The following WARS2 variants were observed in gnomAD, a reference collection of about 807,000 sequenced individuals.
The protein encoded by WARS2 is tryptophan--tRNA ligase, mitochondrial.
WARS2 carries 28 observed loss-of-function variants against 36.5 expected under a neutral mutation model. That is an observed-to-expected ratio of 0.77 (90% confidence interval 0.57 to 1.05). The LOEUF is 1.05. WARS2 is among the 50% of genes least tolerant of loss of function. The probability of loss-of-function intolerance (pLI) is 0.00; values close to 1 mark genes in which losing one functional copy is unlikely to be tolerated. For missense variants in WARS2, 435 were observed against 456.8 expected, an observed-to-expected ratio of 0.95 and a Z score of 0.44; for synonymous variants, 174 against 178.4, an observed-to-expected ratio of 0.98 and a Z score of 0.20.
At chr1:119,134,266 C>A (rs1656319866) in intron 1 of WARS2, among the ~76,000 whole-genome samples, 1 of 130,064 alleles carries the variant, frequency 7.7e-6, no homozygotes. Context: ...GTAAGAATAT[C>A]CATGAATTAA....
rs1048669295 is a variant in WARS2 at position 119,089,976 on chromosome 1, G to A, written c.91-13369C>T. ...AACACCACACACTGAGGCCTGTCAG[G>A]TTGGAGAGGGAGAGCATCAGGAAGA... is the stretch of plus-strand genomic sequence containing the variant. On this transcript the variant is annotated intron_variant, in intron 1 of 5. Coordinates refer to ENST00000235521, the MANE Select transcript of WARS2 (RefSeq NM_015836.4). 2.6e-5 allele frequency among the ~76,000 whole-genome samples: 4 copies of A among 152,216 alleles called. No individual in the cohort carries two copies. In the South Asian group the frequency reaches 8.3e-4, roughly 32 times the overall value.
At chr1:119,095,929 C>T (rs1196305745) in intron 1 of WARS2, among the ~76,000 whole-genome samples, 1 of 147,128 alleles carries the variant, frequency 6.8e-6, no homozygotes, top group African/African-American at 2.6e-5. Flanking sequence ...TTGACACAAT[C>T]GAGTACTTAG....
intron 1 of WARS2, chr1:119,085,482 C>T (rs587611919): frequency 1.2e-4 from 187 of 1,532,750 alleles, no homozygotes; most frequent in African/African-American, 8.2e-4. Context: ...TCTTTTTTTG[C>T]GCTTTTTTGT....
At chr1:119,078,927 T>C (rs965397813) in intron 1 of WARS2, among the ~76,000 whole-genome samples, 1 of 149,782 alleles carries the variant, frequency 6.7e-6, no homozygotes, top group African/African-American at 2.5e-5. Flanking sequence ...TGTGCATATA[T>C]GGATACATAC....
At chr1:119,106,981 G>C (rs1409893944) in intron 1 of WARS2, among the ~76,000 whole-genome samples, 1 of 152,104 alleles carries the variant, frequency 6.6e-6, no homozygotes, top group Non-Finnish European at 1.5e-5. Context: ...GGAGGTATTA[G>C]TGCTTTGAAT....
intron 3 of WARS2, 27 bp from the exon 4 acceptor site, chr1:119,042,376 G>T: frequency 1.2e-6 from 2 of 1,604,902 alleles, no homozygotes; most frequent in African/African-American, 1.3e-5. Flanking sequence ...GAGAGGAGGG[G>T]AAGAAATCTG....
chr1:119,079,883 AAC>A (rs1243675325), intron 1 of WARS2, among the ~76,000 whole-genome samples: 2 of 152,178 alleles, frequency 1.3e-5, no homozygotes, highest in Non-Finnish European at 2.9e-5. Context: ...CAAAATCACA[AAC>A]ACACACATAA....
At chr1:119,093,660 G>A (rs1218860902) in intron 1 of WARS2, among the ~76,000 whole-genome samples, 2 of 152,224 alleles carry the variant, frequency 1.3e-5, no homozygotes, top group East Asian at 3.9e-4. Flanking sequence ...AGAGTCTTAA[G>A]AAGCATGCCC....
chr1:119,042,798 T>C (rs1047961013), intron 3 of WARS2, among the ~76,000 whole-genome samples: 2 of 152,048 alleles, frequency 1.3e-5, no homozygotes, highest in African/African-American at 4.8e-5. Context: ...CTGAGAAAAC[T>C]GGAATGTTCC....
chr1:119,140,497 G>T, intron 1 of WARS2, 58 bp downstream of exon 1: 1 of 1,509,616 alleles, frequency 6.6e-7, no homozygotes, highest in Non-Finnish European at 9.2e-7. Flanking sequence ...GAGGGCAGTG[G>T]GATGAGAAGA....
chr1:119,123,499 T>C (rs1167233788), intron 1 of WARS2, among the ~76,000 whole-genome samples: 1 of 152,168 alleles, frequency 6.6e-6, no homozygotes, highest in Non-Finnish European at 1.5e-5. Flanking sequence ...TGAAGAAAAG[T>C]AGTTGATACT....
intron 3 of WARS2, 108 bp from the exon 4 acceptor site, chr1:119,042,457 C>T (rs1047993254): frequency 4.2e-6 from 4 of 943,190 alleles, no homozygotes; most frequent in Non-Finnish European, 3.4e-6. Flanking sequence ...TGATCTGAAG[C>T]CACCTGTAAT....
chr1:119,068,583 C>T (rs1169497219), intron 2 of WARS2, among the ~76,000 whole-genome samples: 2 of 152,170 alleles, frequency 1.3e-5, no homozygotes, highest in Non-Finnish European at 2.9e-5. Context: ...TTTCTCCTTG[C>T]CTTGGCAGAA....
At chr1:119,107,093 T>C (rs587623055) in intron 1 of WARS2, among the ~76,000 whole-genome samples, 1 of 152,290 alleles carries the variant, frequency 6.6e-6, no homozygotes, top group Non-Finnish European at 1.5e-5. Context: ...TTACTTGCCA[T>C]CTGTATATCT....
intron 3 of WARS2, among the ~76,000 whole-genome samples, 200 bp downstream of exon 3, chr1:119,045,382 C>A (rs1162283273): frequency 6.6e-6 from 1 of 152,134 alleles, no homozygotes; most frequent in Non-Finnish European, 1.5e-5. Context: ...AAACAATGAA[C>A]CTAATTTTTA....
chr1:119,085,637 A>G, intron 1 of WARS2: 1 of 1,428,352 alleles, frequency 7.0e-7, no homozygotes, highest in Non-Finnish European at 9.9e-7. Flanking sequence ...CCACTCGGAT[A>G]GTTCTTCCTT....
At chr1:119,088,649 G>A (rs1281757318) in intron 1 of WARS2, among the ~76,000 whole-genome samples, 4 of 152,192 alleles carry the variant, frequency 2.6e-5, no homozygotes, top group African/African-American at 9.6e-5. Flanking sequence ...TGTGGTCGTA[G>A]CCTCTATGCT....
chr1:119,048,270 T>G (rs1249720680), intron 2 of WARS2, among the ~76,000 whole-genome samples: 1 of 152,206 alleles, frequency 6.6e-6, no homozygotes, highest in Non-Finnish European at 1.5e-5. Context: ...TTCTGCCACT[T>G]AGTCGCTGAG....
intron 1 of WARS2, among the ~76,000 whole-genome samples, chr1:119,117,572 G>T (rs1337541630): frequency 6.6e-6 from 1 of 152,198 alleles, no homozygotes; most frequent in Non-Finnish European, 1.5e-5. Flanking sequence ...TTCCACCCTG[G>T]CTAACCAGAG....
Sources: gnomAD v4.1 joint callset for allele counts (sites outside exome capture counted in the v4.1 genomes callset) on GRCh38, gnomAD v4.1.1 for gene constraint, MANE v1.5 for transcripts, NCBI Gene and HGNC (gene_info 2026-07-23, HGNC 2026-07-21) for gene names.